The following PCCA variants were observed in gnomAD, a reference collection of about 807,000 sequenced individuals.
PCCA encodes the protein propionyl-CoA carboxylase alpha chain, mitochondrial.
In PCCA, 74 loss-of-function variants were observed where a neutral mutation model predicts 101.3. The observed-to-expected ratio is 0.73, with a 90% CI of 0.61 to 0.89. The LOEUF (loss-of-function observed/expected upper bound fraction) is 0.89. Among genes scored for constraint, PCCA ranks in the 40% least tolerant of loss-of-function variants. PCCA has a pLI of 0.00. For missense variants in PCCA, 891 were observed against 907.0 expected, an observed-to-expected ratio of 0.98 and a Z score of 0.23; for synonymous variants, 294 against 313.6, an observed-to-expected ratio of 0.94 and a Z score of 0.66.
chr13:100,186,780 A>C (rs2057316679), intron 6 of PCCA, among the ~76,000 whole-genome samples: 1 of 152,002 alleles, frequency 6.6e-6, no homozygotes, highest in East Asian at 1.9e-4. Context: ...AAATAGGGAT[A>C]GTGTAGAAGA....
chr13:100,235,881 A>G lies in PCCA; in HGVS notation c.637+3A>G, dbSNP rs753109696. ...TGTCAGAATTGCAAGGGAAATTGGT[A>G]AGTCCTTAAATTAACTTTGGTAGGA... On this transcript the variant is annotated splice_donor_region_variant and intron_variant, in intron 8 of 23. Transcript: ENST00000376285. 5 of 1,591,946 alleles carry G rather than the reference A, an allele frequency of 3.1e-6. No homozygotes were observed. The South Asian group carries it at 5.5e-5, about 18-fold the overall frequency.
At position 100,182,103 on chromosome 13, in the gene PCCA, T is replaced by C. The variant is rs187846603; in HGVS notation, c.468+24763T>C. Among the ~76,000 whole-genome samples the C allele has an allele frequency of 4.3e-4, 60 of 140,846 alleles. No homozygotes were observed. The East Asian group carries it at 0.011, about 26-fold the overall frequency. The allele number at this position is 140,846 out of a possible 152,430, so 92.4% of individuals were successfully genotyped here. ...AATATTGTTTTTTTCTTTTTCTTTT[T>C]TTTTTTTTTTTTGAGATGGAGTCTT... On this transcript the variant is annotated intron_variant, in intron 6 of 23. Transcript: ENST00000376285.
rs3840814 is a variant in PCCA, at chr13:100,517,046, CGTGTGTGTGTGTGTGT to C, written c.2040+1508_2040+1523del. Among the ~76,000 whole-genome samples the C allele has an allele frequency of 5.5e-4, 73 of 133,066 alleles. 1 individual carries two copies. Among genetic ancestry groups the C allele is most frequent in the Middle Eastern group, 3.9e-3 (1 of 256 alleles). 87.3% of individuals were successfully genotyped at this position (133,066 alleles called of 152,430 possible). A position where few individuals can be genotyped will look rare whatever the true frequency, so the allele number is the denominator to read the frequency against. On this transcript the variant is annotated intron_variant, in intron 22 of 23. Transcript: ENST00000376285. ...AATTGTGTGGCTTTAATTATAAAAT[CGTGTGTGTGTGTGTGT>C]GTGTGTGTGTGTGTGTGTGTGTGTG...
chr13:100,252,377 C>T (rs914532834), intron 8 of PCCA, among the ~76,000 whole-genome samples: 6 of 152,108 alleles, frequency 3.9e-5, no homozygotes, highest in African/African-American at 7.2e-5. Flanking sequence ...TGATTAGTAC[C>T]GCTGGATTAG....
intron 19 of PCCA, 85 bp downstream of exon 19, chr13:100,368,659 C>T (rs988085467): frequency 4.0e-5 from 34 of 842,554 alleles, no homozygotes; most frequent in African/African-American, 2.1e-4. Context: ...CAGTGACTCT[C>T]GTCTTTTGAA....
At chr13:100,100,548 G>T (rs144273081) in intron 1 of PCCA, among the ~76,000 whole-genome samples, 36 of 152,298 alleles carry the variant, frequency 2.4e-4, no homozygotes, top group African/African-American at 7.5e-4. Context: ...CAAATTAGCA[G>T]ACTTCTTCAA....
chr13:100,492,361 C>T (rs1274623692), intron 21 of PCCA, among the ~76,000 whole-genome samples: 9 of 152,092 alleles, frequency 5.9e-5, no homozygotes, highest in Non-Finnish European at 1.2e-4. Context: ...GTTTCGATCT[C>T]CTGACCTTGT....
At chr13:100,197,296 C>T (rs1211215151) in intron 6 of PCCA, among the ~76,000 whole-genome samples, 4 of 152,126 alleles carry the variant, frequency 2.6e-5, no homozygotes, top group African/African-American at 9.7e-5. Flanking sequence ...CAGCCTTGAC[C>T]TCCTGGGCTC....
intron 1 of PCCA, among the ~76,000 whole-genome samples, chr13:100,100,549 A>G (rs1301244399): frequency 6.6e-6 from 1 of 152,166 alleles, no homozygotes; most frequent in Non-Finnish European, 1.5e-5. Context: ...AAATTAGCAG[A>G]CTTCTTCAAA....
At chr13:100,387,469 G>T (rs1001147673) in intron 19 of PCCA, among the ~76,000 whole-genome samples, 1 of 152,174 alleles carries the variant, frequency 6.6e-6, no homozygotes, top group Non-Finnish European at 1.5e-5. Flanking sequence ...ACATCACAAG[G>T]CTATTTTAGA....
intron 20 of PCCA, among the ~76,000 whole-genome samples, chr13:100,435,254 T>G (rs1459746935): frequency 6.6e-6 from 1 of 151,962 alleles, no homozygotes; most frequent in Admixed American, 6.6e-5. Flanking sequence ...AGGAGGAGCA[T>G]CACAGGGCAA....
Position 100,475,361 on chromosome 13 carries a change from T to C in PCCA, c.1899+26056T>C, listed in dbSNP as rs372998853. Among the ~76,000 whole-genome samples the C allele has an allele frequency of 3.9e-5, 6 of 152,320 alleles. No individual in the cohort carries two copies. The East Asian group carries it at 1.2e-3, about 29-fold the overall frequency. On this transcript the variant is annotated intron_variant, in intron 21 of 23. Transcript: ENST00000376285. Reference sequence around the variant, plus strand: ...CTCCCGCCTGTGGTAGCCACTGATCTACTTTCTGTCTGTGTATAGCTTATT... The same window carrying C: ...CTCCCGCCTGTGGTAGCCACTGATCCACTTTCTGTCTGTGTATAGCTTATT...
intron 21 of PCCA, among the ~76,000 whole-genome samples, chr13:100,504,691 C>T (rs1158338557): frequency 6.6e-6 from 1 of 152,158 alleles, no homozygotes; most frequent in Non-Finnish European, 1.5e-5. Flanking sequence ...AATCCCAGCA[C>T]TTTGGGAGGC....
At chr13:100,141,879 T>C (rs992878763) in intron 4 of PCCA, among the ~76,000 whole-genome samples, 4 of 152,204 alleles carry the variant, frequency 2.6e-5, no homozygotes, top group Non-Finnish European at 4.4e-5. Context: ...GTTCATGATT[T>C]AGTTAATGTT....
At chr13:100,245,390 A>C (rs889624198) in intron 8 of PCCA, among the ~76,000 whole-genome samples, 16 of 152,174 alleles carry the variant, frequency 1.1e-4, no homozygotes, top group African/African-American at 3.4e-4. Context: ...GAGTTTGTGG[A>C]GTTGTCATTA....
intron 4 of PCCA, among the ~76,000 whole-genome samples, chr13:100,152,206 G>GC (rs1285172116): frequency 6.6e-6 from 1 of 152,096 alleles, no homozygotes; most frequent in Non-Finnish European, 1.5e-5. Context: ...AATGTACCCT[G>GC]CCCCCTGAAG....
chr13:100,520,657 AGAG>A (rs2087210575), intron 22 of PCCA, among the ~76,000 whole-genome samples: 1 of 149,154 alleles, frequency 6.7e-6, no homozygotes, highest in African/African-American at 2.5e-5. Flanking sequence ...AAAAAAAAAA[AGAG>A]TTGGTTTTTG....
At chr13:100,518,868 C>G (rs890601777) in intron 22 of PCCA, among the ~76,000 whole-genome samples, 2 of 152,200 alleles carry the variant, frequency 1.3e-5, no homozygotes, top group Admixed American at 1.3e-4. Flanking sequence ...TCAGCTGTTT[C>G]AAACTTCTAC....
intron 6 of PCCA, 82 bp from the exon 7 acceptor site, chr13:100,209,250 G>T: frequency 8.4e-7 from 1 of 1,185,382 alleles, no homozygotes; most frequent in Non-Finnish European, 1.3e-6. Flanking sequence ...TACACATATG[G>T]GCTTTTCTTT....
Sources: allele counts gnomAD v4.1 joint callset (sites outside exome capture counted in the v4.1 genomes callset), GRCh38; gene constraint gnomAD v4.1.1; transcripts MANE v1.5; gene names NCBI Gene and HGNC (gene_info 2026-07-23, HGNC 2026-07-21).